HS3ST4: variants seen among roughly 807,000 people sequenced by gnomAD.
HS3ST4 encodes the protein heparan sulfate glucosamine 3-O-sulfotransferase 4.
In HS3ST4, 17 loss-of-function variants were observed where a neutral mutation model predicts 29.2. That is an observed-to-expected ratio of 0.58 (90% CI 0.40 to 0.87). HS3ST4 has a LOEUF of 0.87. HS3ST4 is among the 40% of genes least tolerant of loss of function. The pLI is 0.00. For missense variants in HS3ST4, 627 were observed against 634.5 expected (o/e 0.99, Z 0.13); for synonymous variants, 314 against 285.7 (o/e 1.10, Z -1.00).
chr16:26,098,273 A>T (rs1005012333), intron 1 of HS3ST4, among the ~76,000 whole-genome samples: 3 of 152,230 alleles, frequency 2.0e-5, no homozygotes. Flanking sequence ...TACTATAACG[A>T]CATATGCACC....
intron 1 of HS3ST4, among the ~76,000 whole-genome samples, chr16:25,768,183 A>G (rs2141609679): frequency 6.6e-6 from 1 of 152,322 alleles, no homozygotes; most frequent in East Asian, 1.9e-4. Flanking sequence ...GATGCCCAAC[A>G]TTTGTGCCAC....
At chr16:25,958,132 G>A (rs1464853975) in intron 1 of HS3ST4, among the ~76,000 whole-genome samples, 1 of 152,128 alleles carries the variant, frequency 6.6e-6, no homozygotes, top group Non-Finnish European at 1.5e-5. Context: ...TAAGCCCTGG[G>A]ACTCGCATTA....
intron 1 of HS3ST4, among the ~76,000 whole-genome samples, chr16:26,092,688 G>A (rs1222453302): frequency 1.3e-5 from 2 of 152,200 alleles, no homozygotes; most frequent in African/African-American, 4.8e-5. Context: ...CAGAAGATGG[G>A]TGATTTCTGC....
At chr16:25,935,832 A>G (rs532297017) in intron 1 of HS3ST4, among the ~76,000 whole-genome samples, 107 of 152,342 alleles carry the variant, frequency 7.0e-4, no homozygotes, top group Admixed American at 1.2e-3. Flanking sequence ...TGAGACATTT[A>G]TGTGAAATCT....
chr16:25,694,669 G>A (rs2141577723), intron 1 of HS3ST4, among the ~76,000 whole-genome samples: 1 of 152,266 alleles, frequency 6.6e-6, no homozygotes, highest in Admixed American at 6.5e-5. Flanking sequence ...ATAAAGAAGG[G>A]GCACGATGTC....
At chr16:25,815,302 T>C (rs1379347287) in intron 1 of HS3ST4, among the ~76,000 whole-genome samples, 1 of 152,168 alleles carries the variant, frequency 6.6e-6, no homozygotes, top group African/African-American at 2.4e-5. Flanking sequence ...GGGCCCTCTA[T>C]ATACAATTTT....
chr16:25,883,940 C>G (rs1596601933), intron 1 of HS3ST4, among the ~76,000 whole-genome samples: 2 of 152,106 alleles, frequency 1.3e-5, no homozygotes, highest in African/African-American at 4.8e-5. Context: ...CATGGTGAAA[C>G]CCCGTCTACT....
At chr16:26,026,143 G>A (rs763382989) in intron 1 of HS3ST4, among the ~76,000 whole-genome samples, 2 of 152,088 alleles carry the variant, frequency 1.3e-5, no homozygotes, top group Non-Finnish European at 2.9e-5. Flanking sequence ...TCTTGACCTC[G>A]TGATCTGCCT....
rs200069326 is a variant in HS3ST4, at chr16:25,914,050, G to GGT, written c.734+220909_734+220910dup. Among the ~76,000 whole-genome samples, 119 of 146,158 alleles carry GGT rather than the reference G, an allele frequency of 8.1e-4. 1 individual carries two copies. The highest frequency in any genetic ancestry group is 1.5e-3 in the Non-Finnish European group (102 of 66,638). On this transcript the variant is annotated intron_variant, in intron 1 of 1. Transcript: ENST00000331351. Reference sequence around the variant, plus strand: ...AGGGAGCATGTGTATGTGTGTGTGGGGTGTGTGTGTGCACGGAGTGTGTGT... The same window carrying GGT: ...AGGGAGCATGTGTATGTGTGTGTGGGGTGTGTGTGTGTGCACGGAGTGTGTGT...
intron 1 of HS3ST4, among the ~76,000 whole-genome samples, chr16:26,050,356 C>T (rs557853127): frequency 2.6e-5 from 4 of 152,210 alleles, no homozygotes; most frequent in African/African-American, 9.6e-5. Flanking sequence ...TCACAGTCCT[C>T]ATACCCTGAA....
At chr16:25,778,137 A>ATAT (rs1555465308) in intron 1 of HS3ST4, among the ~76,000 whole-genome samples, 1 of 151,424 alleles carries the variant, frequency 6.6e-6, no homozygotes, top group Non-Finnish European at 1.5e-5. Context: ...TACATACTAA[A>ATAT]ATATATATAT....
chr16:26,069,370 T>C, intron 1 of HS3ST4, among the ~76,000 whole-genome samples: 1 of 152,152 alleles, frequency 6.6e-6, no homozygotes, highest in East Asian at 1.9e-4. Flanking sequence ...GTGGTGGAAG[T>C]GATCACTTAC....
At chr16:25,728,227 C>G (rs1461191824) in intron 1 of HS3ST4, among the ~76,000 whole-genome samples, 1 of 152,192 alleles carries the variant, frequency 6.6e-6, no homozygotes, top group Non-Finnish European at 1.5e-5. Flanking sequence ...GTCTCGATCT[C>G]CTGACCTCAT....
At chr16:25,938,424 T>C (rs1281411614) in intron 1 of HS3ST4, among the ~76,000 whole-genome samples, 2 of 152,188 alleles carry the variant, frequency 1.3e-5, no homozygotes. Context: ...GTGCATCTTC[T>C]GCCAGGGATC....
chr16:25,932,961 C>T (rs1968480797), intron 1 of HS3ST4, among the ~76,000 whole-genome samples: 1 of 152,206 alleles, frequency 6.6e-6, no homozygotes, highest in Non-Finnish European at 1.5e-5. Flanking sequence ...CAATTCCTCC[C>T]TCCTTTAGCT....
chr16:26,060,057 C>T (rs965022206), intron 1 of HS3ST4, among the ~76,000 whole-genome samples: 3 of 152,124 alleles, frequency 2.0e-5, no homozygotes, highest in East Asian at 1.9e-4. Context: ...GGATTACAGG[C>T]GTGAGCCACT....
At chr16:26,006,583 G>A (rs991746819) in intron 1 of HS3ST4, among the ~76,000 whole-genome samples, 4 of 152,144 alleles carry the variant, frequency 2.6e-5, no homozygotes, top group Admixed American at 2.0e-4. Context: ...AGTTTGGCAG[G>A]CAAGGGAATG....
At chr16:25,709,417 C>T (rs992741708) in intron 1 of HS3ST4, among the ~76,000 whole-genome samples, 1 of 152,020 alleles carries the variant, frequency 6.6e-6, no homozygotes, top group African/African-American at 2.4e-5. Flanking sequence ...CCCTGGAGGC[C>T]CCTGGATCTG....
intron 1 of HS3ST4, among the ~76,000 whole-genome samples, chr16:25,821,994 A>G (rs1384827635): frequency 6.6e-6 from 1 of 152,176 alleles, no homozygotes; most frequent in East Asian, 1.9e-4. Flanking sequence ...TGTCTCATAG[A>G]CTGGCTTTCT....
Sources: allele counts gnomAD v4.1 joint callset (sites outside exome capture counted in the v4.1 genomes callset), GRCh38; gene constraint gnomAD v4.1.1; transcripts MANE v1.5; gene names NCBI Gene and HGNC (gene_info 2026-07-23, HGNC 2026-07-21).